Variants in MN1 observed in about 807,000 individuals in gnomAD.
The protein encoded by MN1 is MN1 proto-oncogene, transcriptional regulator.
MN1 carries 19 observed loss-of-function variants against 86.9 expected under a neutral mutation model. That is an observed-to-expected ratio of 0.22 (90% CI 0.15 to 0.32). The LOEUF (loss-of-function observed/expected upper bound fraction) is 0.32, where lower values mean the gene tolerates loss of function less well. Among genes scored for constraint, MN1 ranks in the 10% least tolerant of loss-of-function variants. The pLI is 1.00. For missense variants in MN1, 1,841 were observed against 1,862.0 expected, an observed-to-expected ratio of 0.99 and a Z score of 0.21; for synonymous variants, 928 against 849.6, an observed-to-expected ratio of 1.09 and a Z score of -1.60.
At chr22:27,794,379 G>T (rs1312865961) in intron 1 of MN1, among the ~76,000 whole-genome samples, 2 of 152,146 alleles carry the variant, frequency 1.3e-5, no homozygotes, top group African/African-American at 4.8e-5. Flanking sequence ...CTGCTTTATC[G>T]AGGAAACTGT....
chr22:27,767,954 G>C (rs1932882868), intron 1 of MN1, among the ~76,000 whole-genome samples: 1 of 152,080 alleles, frequency 6.6e-6, no homozygotes, highest in African/African-American at 2.4e-5. Context: ...CTTTTTAAAG[G>C]ATGCAGAAAC....
At chr22:27,796,455 G>T (rs1165827340) in intron 1 of MN1, among the ~76,000 whole-genome samples, 1 of 151,616 alleles carries the variant, frequency 6.6e-6, no homozygotes, top group African/African-American at 2.4e-5. Flanking sequence ...AGCTAAAACT[G>T]GGGGTGTGGG....
rs560561226 is a variant in MN1, at chr22:27,797,249, G to A, written c.3295C>T (p.Pro1099Ser). 6.3e-7 allele frequency: 1 copy of A among 1,576,050 alleles called. No homozygotes were observed. Among genetic ancestry groups the A allele is most frequent in the South Asian group, 1.1e-5 (1 of 88,804 alleles). Residue 1099 changes from proline (P) to serine (S), a missense_variant, in exon 1 of 2, where the codon CCC (proline) becomes TCC (serine). Pro to Ser is a moderately conservative substitution (Grantham distance 74). Coordinates refer to ENST00000302326, the MANE Select transcript of MN1 (RefSeq NM_002430.3). ...ATGCCCAGGCCGAGGGCGGGCGGGGGCGCCTTCGGTCCGTGTTCCCCGGCG... is the reference window on the plus strand; with the variant it reads ...ATGCCCAGGCCGAGGGCGGGCGGGGACGCCTTCGGTCCGTGTTCCCCGGCG... ...VGAGEHGPKA[P>S]PPALGLGIMS...
In MN1 at chr22:27,799,373, C is replaced by T. The variant is rs1933385505; in HGVS notation, c.1171G>A (p.Gly391Ser). The stretch of plus-strand genomic sequence containing the variant: ...ATGGGGCCTCCGTCCTGCAGGCCGC[C>T]GCTGGGCGTGCCCGCCTCGCCCTGC... The part of the protein sequence containing the change: ...PQQGEAGTPS[G>S]GLQDGGPMLP... The change falls in exon 1 of 2, where the codon GGC becomes AGC. Residue 391 changes from glycine (G) to serine (S), a missense_variant. Physicochemically the swap from Gly to Ser is moderately conservative, Grantham distance 56. Transcript: ENST00000302326. 6.5e-7 allele frequency: 1 copy of T among 1,549,562 alleles called. No homozygotes were observed. The highest frequency in any genetic ancestry group is 8.7e-7 in the Non-Finnish European group (1 of 1,150,724).
At chr22:27,757,803 C>A (rs1932810804) in intron 1 of MN1, among the ~76,000 whole-genome samples, 3 of 151,942 alleles carry the variant, frequency 2.0e-5, no homozygotes, top group African/African-American at 7.3e-5. Flanking sequence ...TATCTGTGAC[C>A]CCCAGACCTT....
chr22:27,755,846 A>C (rs1341157659), intron 1 of MN1, among the ~76,000 whole-genome samples: 1 of 152,088 alleles, frequency 6.6e-6, no homozygotes, highest in Non-Finnish European at 1.5e-5. Context: ...TGCGTGAATA[A>C]CTCAACTCAC....
intron 1 of MN1, among the ~76,000 whole-genome samples, chr22:27,790,412 G>A (rs911748328): frequency 6.6e-6 from 1 of 152,156 alleles, no homozygotes; most frequent in Admixed American, 6.5e-5. Context: ...TTCGTGCGGG[G>A]TGACCCATCG....
At position 27,755,645 on chromosome 22, in the gene MN1, C is replaced by A. The variant is rs45560236; in HGVS notation, c.3782-4549G>T. Among the ~76,000 whole-genome samples, 996 of 152,270 alleles carry A rather than the reference C, an allele frequency of 6.5e-3. 15 individuals carry two copies. The highest frequency in any genetic ancestry group is 0.023 in the African/African-American group (972 of 41,548). The stretch of plus-strand genomic sequence containing the variant: ...CCGGCCTCTTCCTACTACCCCGTCA[C>A]CCCTGCCCTGAACACCACAGCACTT... On this transcript the variant is annotated intron_variant, in intron 1 of 1. Transcript: ENST00000302326.
intron 1 of MN1, among the ~76,000 whole-genome samples, chr22:27,786,782 C>T (rs531012930): frequency 6.6e-6 from 1 of 151,036 alleles, no homozygotes; most frequent in East Asian, 2.0e-4. Context: ...GTGGTGGGAA[C>T]CTAGACTACT....
chr22:27,770,178 C>T (rs1363315320), intron 1 of MN1, among the ~76,000 whole-genome samples: 1 of 152,224 alleles, frequency 6.6e-6, no homozygotes, highest in Non-Finnish European at 1.5e-5. Context: ...CCGGCCAGCA[C>T]AGCAGATAGC....
intron 1 of MN1, among the ~76,000 whole-genome samples, chr22:27,790,659 T>C (rs1382994054): frequency 7.6e-6 from 1 of 132,186 alleles, no homozygotes; most frequent in Non-Finnish European, 1.6e-5. Context: ...AGAAGCAGCG[T>C]CCGCTTCCCA....
intron 1 of MN1, among the ~76,000 whole-genome samples, chr22:27,764,567 G>A (rs1932855864): frequency 6.6e-6 from 1 of 152,214 alleles, no homozygotes; most frequent in African/African-American, 2.4e-5. Context: ...GAGGCTACAG[G>A]TAGGGAATCA....
intron 1 of MN1, among the ~76,000 whole-genome samples, chr22:27,751,701 T>G (rs1932766185): frequency 6.6e-6 from 1 of 152,108 alleles, no homozygotes; most frequent in Non-Finnish European, 1.5e-5. Context: ...GGAAGATGAC[T>G]TGCCCCGAGT....
Position 27,800,450 on chromosome 22 carries a change from T to A in MN1, c.94A>T (p.Thr32Ser), listed in dbSNP as rs762346186. The change falls in exon 1 of 2, where the codon ACC becomes TCC. Residue 32 changes from threonine to serine, a missense_variant. Physicochemically the swap from Thr to Ser is moderately conservative, Grantham distance 58. Transcript: ENST00000302326. ...TGGAAAGCCGGGGCCTTAAAGTGGG[T>A]GTTCATGCTCAGTCCGGTCTCGTTA... ...NFNETGLSMN[T>S]HFKAPAFHTG... is the part of the protein sequence containing the mutation. 6 of 1,614,142 alleles carry A rather than the reference T, an allele frequency of 3.7e-6. No individual in the cohort carries two copies. In the South Asian group the frequency reaches 6.6e-5, roughly 18 times the overall value.
rs1378271209 is a variant in MN1, at chr22:27,750,401, A to G, written c.*514T>C. ...GACTTTCACCCGGCAATATTCCAGA[A>G]CTACTATTCTCCAGGATTTCCATTT... On this transcript the variant is annotated 3_prime_UTR_variant, in exon 2 of 2. Transcript: ENST00000302326. 4.3e-6 allele frequency: 1 copy of G among 230,002 alleles called. No individual in the cohort carries two copies. Among genetic ancestry groups the G allele is most frequent in the Non-Finnish European group, 8.6e-6 (1 of 116,122 alleles). 14.2% of individuals were successfully genotyped at this position (230,002 alleles called of 1,614,324 possible).
chr22:27,765,519 C>T (rs1257431368), intron 1 of MN1, among the ~76,000 whole-genome samples: 3 of 152,230 alleles, frequency 2.0e-5, no homozygotes, highest in Non-Finnish European at 4.4e-5. Context: ...CGAGCGGGGG[C>T]TCCCAGCACT....
At chr22:27,751,138 G>A (rs772388045) in intron 1 of MN1, 42 bp from the exon 2 acceptor site, 60 of 1,494,426 alleles carry the variant, frequency 4.0e-5, no homozygotes, top group Admixed American at 8.5e-5. Context: ...TGGCACACTC[G>A]TCTCTGAGGG....
intron 1 of MN1, among the ~76,000 whole-genome samples, chr22:27,754,579 C>T (rs1189844459): frequency 6.6e-6 from 1 of 152,238 alleles, no homozygotes; most frequent in African/African-American, 2.4e-5. Context: ...ACAACCCAAG[C>T]ATGACCAAAC....
chr22:27,795,180 C>T (rs1334005759), intron 1 of MN1, among the ~76,000 whole-genome samples: 1 of 152,174 alleles, frequency 6.6e-6, no homozygotes, highest in East Asian at 1.9e-4. Context: ...GCATGCTAAA[C>T]ACCCGGCTTC....
Sources: allele counts gnomAD v4.1 joint callset (sites outside exome capture counted in the v4.1 genomes callset), GRCh38; gene constraint gnomAD v4.1.1; transcripts MANE v1.5; gene names NCBI Gene and HGNC (gene_info 2026-07-23, HGNC 2026-07-21).